The following GNG2 variants were observed in gnomAD, a reference collection of about 807,000 sequenced individuals.
GNG2 encodes the protein G protein subunit gamma 2, also known as guanine nucleotide-binding protein G(I)/G(S)/G(O) subunit gamma-2.
In GNG2, 5 loss-of-function variants were observed where a neutral mutation model predicts 5.5. The ratio of observed to expected loss-of-function variants is 0.91; its 90% confidence interval spans 0.48 to 1.92. The LOEUF is 1.92. Ranked by LOEUF, GNG2 falls within the 30% of genes most tolerant of loss-of-function variation. GNG2 has a pLI of 0.01. For synonymous variants in GNG2, 28 were observed against 32.0 expected, an observed-to-expected ratio of 0.88 and a Z score of 0.42; for missense variants, 55 against 88.4, an observed-to-expected ratio of 0.62 and a Z score of 1.52.
chr14:51,955,290 T>C (rs1275703523), intron 3 of GNG2, among the ~76,000 whole-genome samples: 1 of 152,184 alleles, frequency 6.6e-6, no homozygotes, highest in African/African-American at 2.4e-5. Flanking sequence ...TGACTGAGAA[T>C]ACCCTTCCCT....
intron 2 of GNG2, among the ~76,000 whole-genome samples, chr14:51,849,805 CTTT>C (rs33966382): frequency 0.63 from 77,295 of 122,466 alleles, 24,535 homozygotes; most frequent in East Asian, 0.92. Flanking sequence ...AAAGCAAATG[CTTT>C]TTTTTTTTTT....
At chr14:51,963,566 A>C (rs1889735438) in intron 3 of GNG2, among the ~76,000 whole-genome samples, 1 of 152,228 alleles carries the variant, frequency 6.6e-6, no homozygotes, top group African/African-American at 2.4e-5. Flanking sequence ...CTAAGACATA[A>C]ACAGGCTGTT....
intron 2 of GNG2, among the ~76,000 whole-genome samples, chr14:51,889,848 T>A (rs1469737523): frequency 6.6e-6 from 1 of 152,236 alleles, no homozygotes; most frequent in African/African-American, 2.4e-5. Context: ...GGCTTTTTTG[T>A]CTTTTCCTTT....
chr14:51,874,979 T>C (rs1278998626), intron 1 of GNG2, among the ~76,000 whole-genome samples: 2 of 152,226 alleles, frequency 1.3e-5, no homozygotes, highest in African/African-American at 2.4e-5. Context: ...TAATTCATAC[T>C]GATTATTGAA....
intron 1 of GNG2, among the ~76,000 whole-genome samples, chr14:51,871,500 C>T (rs115664839): frequency 0.022 from 3,381 of 152,180 alleles, 107 homozygotes; most frequent in African/African-American, 0.07. Flanking sequence ...CTTTCTATGC[C>T]TCAGTTTCTT....
chr14:51,843,535 TG>T lies in GNG2; in HGVS notation c.64+15729del, dbSNP rs1392549832. 1.7e-4 allele frequency among the ~76,000 whole-genome samples: 26 copies of T among 151,698 alleles called. No individual in the cohort carries two copies. The South Asian group carries it at 2.1e-3, about 12-fold the overall frequency. ...AAACCACATGGCATATGTATACCTA[TG>T]TAACCTGCACGATCTGCACACGCAT... On this transcript the variant is annotated intron_variant, in intron 2 of 3. Coordinates refer to the GNG2 transcript ENST00000553432.
chr14:51,827,563 C>G (rs987865969), intron 1 of GNG2: 8 of 598,880 alleles, frequency 1.3e-5, no homozygotes, highest in African/African-American at 7.6e-5. Context: ...TGATGTCATA[C>G]AGTTCCAGAC....
intron 2 of GNG2, among the ~76,000 whole-genome samples, chr14:51,903,049 G>T (rs1308182312): frequency 6.6e-6 from 1 of 152,094 alleles, no homozygotes; most frequent in Non-Finnish European, 1.5e-5. Context: ...CCTGTTTGGG[G>T]TATTTATCCT....
chr14:51,915,715 GA>G lies in GNG2; in HGVS notation c.-29-34927del, dbSNP rs201835849. 6.9e-3 allele frequency among the ~76,000 whole-genome samples: 1,042 copies of G among 151,850 alleles called. 9 individuals are homozygous for G. The highest frequency in any genetic ancestry group is 0.01 in the Non-Finnish European group (706 of 67,906). On this transcript the variant is annotated intron_variant, in intron 2 of 3. Transcript: ENST00000556766. The stretch of plus-strand genomic sequence containing the variant: ...ATATTTTGTGACTAAATGCTATTTG[GA>G]AAAAAAAGTGGTATTTCTTTAAATT...
chr14:51,966,962 G>GCCCCCCCCCCC lies in GNG2; in HGVS notation c.*285_*286insCCCCCCCCCCC, dbSNP rs58532727. 21 of 106,142 alleles carry GCCCCCCCCCCC rather than the reference G, an allele frequency of 2.0e-4. No individual in the cohort carries two copies. Among genetic ancestry groups the GCCCCCCCCCCC allele is most frequent in the Non-Finnish European group, 2.7e-4 (15 of 54,546 alleles). The allele number at this position is 106,142 out of a possible 1,614,324, so 6.6% of individuals were successfully genotyped here. ...GTCACTTCTTTTCTGCTATCCCCCA[G>GCCCCCCCCCCC]CCCCCCCCCCAAAATCCTCATGTTT... On this transcript the variant is annotated 3_prime_UTR_variant, in exon 4 of 4. Coordinates refer to ENST00000556766, the MANE Select transcript of GNG2 (RefSeq NM_053064.5).
intron 2 of GNG2, among the ~76,000 whole-genome samples, chr14:51,949,573 G>T (rs770114631): frequency 3.9e-5 from 6 of 152,142 alleles, no homozygotes; most frequent in Non-Finnish European, 8.8e-5. Context: ...TTCCATTAGT[G>T]TTGACGAGGC....
Position 51,902,841 on chromosome 14 carries a change from T to C in GNG2, c.-30+25184T>C, listed in dbSNP as rs1594895059. On this transcript the variant is annotated intron_variant, in intron 2 of 3. Transcript: ENST00000556766. The stretch of plus-strand genomic sequence containing the variant: ...AGGTCGAGGCTGCAGTGAGCCATGA[T>C]TGCACCACTGTACTCCAACCTGGGT... Among the ~76,000 whole-genome samples the C allele has an allele frequency of 3.9e-5, 6 of 152,144 alleles. 1 individual carries two copies. The South Asian group carries it at 1.2e-3, about 32-fold the overall frequency.
Position 51,901,129 on chromosome 14 carries a change from T to C in GNG2, c.-30+23472T>C, listed in dbSNP as rs149914597. Among the ~76,000 whole-genome samples the C allele has an allele frequency of 8.1e-4, 123 of 152,350 alleles. 2 individuals are homozygous for C. In the East Asian group the frequency reaches 0.022, roughly 27 times the overall value. ...GAGTTGGCATGCACCATTAGAGCTATATTGGGTGTTAACATACTGAAATGT... is the reference window on the plus strand; with the variant it reads ...GAGTTGGCATGCACCATTAGAGCTACATTGGGTGTTAACATACTGAAATGT... On this transcript the variant is annotated intron_variant, in intron 2 of 3. Transcript: ENST00000556766.
intron 2 of GNG2, among the ~76,000 whole-genome samples, chr14:51,879,029 C>G (rs1327775232): frequency 2.0e-5 from 3 of 152,234 alleles, no homozygotes; most frequent in South Asian, 2.1e-4. Context: ...CCTTGGTTCA[C>G]AAAAGGCTGT....
intron 2 of GNG2, among the ~76,000 whole-genome samples, chr14:51,925,025 G>A (rs1344088981): frequency 6.6e-6 from 1 of 152,174 alleles, no homozygotes; most frequent in Non-Finnish European, 1.5e-5. Context: ...AGCTACATAG[G>A]AGGGATAAGT....
At chr14:51,928,112 C>A (rs1160904078) in intron 2 of GNG2, among the ~76,000 whole-genome samples, 1 of 148,664 alleles carries the variant, frequency 6.7e-6, no homozygotes, top group Admixed American at 6.8e-5. Context: ...CTCACTGCAA[C>A]CTCCACCTCC....
chr14:51,868,076 G>A (rs1215540721), intron 1 of GNG2, among the ~76,000 whole-genome samples: 3 of 152,118 alleles, frequency 2.0e-5, no homozygotes, highest in African/African-American at 7.2e-5. Context: ...TGTCCTCTAA[G>A]AGCTCACAAA....
At chr14:51,901,963 TAAAAAAAAAAA>T (rs34308582) in intron 2 of GNG2, among the ~76,000 whole-genome samples, 2 of 56,448 alleles carry the variant, frequency 3.5e-5, no homozygotes, top group South Asian at 2.0e-3. Context: ...TAACAATCTG[TAAAAAAAAAAA>T]AAAAAAAAAA....
At position 51,967,370 on chromosome 14, in the gene GNG2, A is replaced by G. The variant is rs1889988533; in HGVS notation, c.*683A>G. On this transcript the variant is annotated 3_prime_UTR_variant, in exon 4 of 4. Coordinates refer to ENST00000556766, the MANE Select transcript of GNG2 (RefSeq NM_053064.5). ...TTTTCACTATTCCTAACATGTGTAC[A>G]TGATAGCTTTGATTCTGCAAGTAAA... 6.6e-6 allele frequency: 1 copy of G among 152,166 alleles called. No individual in the cohort carries two copies. The highest frequency in any genetic ancestry group is 1.5e-5 in the Non-Finnish European group (1 of 68,034). 9.4% of individuals were successfully genotyped at this position (152,166 alleles called of 1,614,324 possible). A position where few individuals can be genotyped will look rare whatever the true frequency, so the allele number is the denominator to read the frequency against.
Sources: allele counts gnomAD v4.1 joint callset (sites outside exome capture counted in the v4.1 genomes callset), GRCh38; gene constraint gnomAD v4.1.1; transcripts MANE v1.5; gene names NCBI Gene and HGNC (gene_info 2026-07-23, HGNC 2026-07-21).